CNNM2: variants seen among roughly 807,000 people sequenced by gnomAD.
CNNM2 encodes the protein metal transporter CNNM2.
In CNNM2, 12 loss-of-function variants were observed where a neutral mutation model predicts 66.9. That is an observed-to-expected ratio of 0.18 (90% CI 0.11 to 0.29). The LOEUF is 0.29. Ranked by LOEUF, CNNM2 falls within the 10% of genes least tolerant of loss-of-function variation. The pLI is 1.00. For missense variants in CNNM2, 705 were observed against 1,167.7 expected, an observed-to-expected ratio of 0.60 and a Z score of 5.77; for synonymous variants, 557 against 501.8, an observed-to-expected ratio of 1.11 and a Z score of -1.47.
chr10:103,003,695 C>T (rs12763791), intron 1 of CNNM2, among the ~76,000 whole-genome samples: 5 of 151,886 alleles, frequency 3.3e-5, no homozygotes, highest in African/African-American at 1.2e-4. Flanking sequence ...ATCACTTAAA[C>T]CCAGGATGCT....
chr10:103,068,468 G>GC, intron 4 of CNNM2, 161 bp from the exon 5 acceptor site: 1 of 656,118 alleles, frequency 1.5e-6, no homozygotes, highest in Non-Finnish European at 2.8e-6. Flanking sequence ...AAGCGAATGA[G>GC]CCCCCTCCTC....
At chr10:103,067,325 C>G (rs900109217) in intron 4 of CNNM2, among the ~76,000 whole-genome samples, 1 of 152,074 alleles carries the variant, frequency 6.6e-6, no homozygotes, top group African/African-American at 2.4e-5. Flanking sequence ...GCCTCGGTCT[C>G]CCAAAGTGCT....
chr10:102,968,572 C>A (rs1308733313), intron 1 of CNNM2, among the ~76,000 whole-genome samples: 1 of 151,560 alleles, frequency 6.6e-6, no homozygotes, highest in East Asian at 1.9e-4. Context: ...CAACACTTGG[C>A]ATGTGAGTTA....
chr10:103,014,689 T>C (rs1170650331), intron 1 of CNNM2, among the ~76,000 whole-genome samples: 1 of 152,208 alleles, frequency 6.6e-6, no homozygotes, highest in Admixed American at 6.5e-5. Context: ...TTTTGACTGA[T>C]GCTCAAGCGC....
chr10:103,058,672 T>C (rs1002083276), intron 4 of CNNM2, among the ~76,000 whole-genome samples: 4 of 152,334 alleles, frequency 2.6e-5, no homozygotes, highest in Admixed American at 6.5e-5. Flanking sequence ...TATATAAAGG[T>C]GACAAGTTTT....
At chr10:102,936,026 T>A (rs941569295) in intron 1 of CNNM2, among the ~76,000 whole-genome samples, 34 of 150,534 alleles carry the variant, frequency 2.3e-4, no homozygotes, top group African/African-American at 7.8e-4. Flanking sequence ...TTTGGTGCTG[T>A]GGGGGTAGGG....
rs936046079 is a variant in CNNM2 at position 103,085,084 on chromosome 10, T to C, written c.*7904T>C. On this transcript the variant is annotated 3_prime_UTR_variant, in exon 8 of 8. Coordinates refer to ENST00000369878, the MANE Select transcript of CNNM2 (RefSeq NM_017649.5). ...TCTCTGACTTTCTGCTGGCATGCCA[T>C]CTCCCCTAGTGGATTACTGAGGACT... is the stretch of plus-strand genomic sequence containing the variant. 2.6e-5 allele frequency: 4 copies of C among 152,166 alleles called. No homozygotes were observed. Among genetic ancestry groups the C allele is most frequent in the African/African-American group, 9.7e-5 (4 of 41,436 alleles). 9.4% of individuals were successfully genotyped at this position (152,166 alleles called of 1,614,324 possible).
At chr10:102,983,358 A>G (rs1387554201) in intron 1 of CNNM2, among the ~76,000 whole-genome samples, 1 of 147,438 alleles carries the variant, frequency 6.8e-6, no homozygotes, top group Non-Finnish European at 1.5e-5. Flanking sequence ...TTATATATAT[A>G]TTTATATATA....
At position 102,965,447 on chromosome 10, in the gene CNNM2, G is replaced by A. The variant is rs2063447886; in HGVS notation, c.1621+45346G>A. 2.6e-5 allele frequency among the ~76,000 whole-genome samples: 4 copies of A among 152,164 alleles called. No individual in the cohort carries two copies. The South Asian group carries it at 6.2e-4, about 24-fold the overall frequency. On this transcript the variant is annotated intron_variant, in intron 1 of 7. Transcript: ENST00000369878. ...GGAAATCAGTTTTTCCCCGGCTGTC[G>A]TTGTGCGCCTCCTTCCAGGGGAGTA... is the stretch of plus-strand genomic sequence containing the variant.
At chr10:102,946,156 G>A (rs1200273874) in intron 1 of CNNM2, among the ~76,000 whole-genome samples, 2 of 152,178 alleles carry the variant, frequency 1.3e-5, no homozygotes, top group Non-Finnish European at 2.9e-5. Flanking sequence ...TGAGTTCATT[G>A]GTGCTGCAGG....
At chr10:102,940,026 C>T (rs756578031) in intron 1 of CNNM2, among the ~76,000 whole-genome samples, 72 of 151,676 alleles carry the variant, frequency 4.7e-4, no homozygotes, top group Non-Finnish European at 7.7e-4. Flanking sequence ...ATGTAGGAGA[C>T]GGCCAAAGAG....
rs1331403201 is a variant in CNNM2, at chr10:103,079,222, A to C, written c.*2042A>C. ...CACTGAGCACAACACCAGTGTGATGAGTGTATAAAGATGAGGGGTCCTTGC... is the reference window on the plus strand; with the variant it reads ...CACTGAGCACAACACCAGTGTGATGCGTGTATAAAGATGAGGGGTCCTTGC... On this transcript the variant is annotated 3_prime_UTR_variant, in exon 8 of 8. Coordinates refer to ENST00000369878, the MANE Select transcript of CNNM2 (RefSeq NM_017649.5). 2.0e-5 allele frequency: 3 copies of C among 152,204 alleles called. No homozygotes were observed. The highest frequency in any genetic ancestry group is 7.2e-5 in the African/African-American group (3 of 41,438). 9.4% of individuals were successfully genotyped at this position (152,204 alleles called of 1,614,324 possible).
Position 103,079,997 on chromosome 10 carries a change from C to G in CNNM2, c.*2817C>G, listed in dbSNP as rs1590520674. On this transcript the variant is annotated 3_prime_UTR_variant, in exon 8 of 8. Transcript: ENST00000369878. Reference sequence around the variant, plus strand: ...TTTGGCTTGGAAGGCCTCTGCCATTCATCTCTACAAAGCCAGTGGGGTCCG... The same window carrying G: ...TTTGGCTTGGAAGGCCTCTGCCATTGATCTCTACAAAGCCAGTGGGGTCCG... The G allele has an allele frequency of 6.6e-6, 1 of 152,192 alleles. No individual in the cohort carries two copies. The highest frequency in any genetic ancestry group is 2.1e-4 in the South Asian group (1 of 4,824). 9.4% of individuals were successfully genotyped at this position (152,192 alleles called of 1,614,324 possible).
chr10:102,931,779 G>C (rs1426217729), intron 1 of CNNM2, among the ~76,000 whole-genome samples: 1 of 149,966 alleles, frequency 6.7e-6, no homozygotes, highest in South Asian at 2.1e-4. Context: ...TGCACCATTT[G>C]ACATTCCCAT....
In CNNM2 at chr10:103,023,096, C is replaced by G. The variant is rs11191518; in HGVS notation, c.1622-26611C>G. 0.41 allele frequency among the ~76,000 whole-genome samples: 61,995 copies of G among 151,892 alleles called. 12,875 individuals are homozygous for G. Among genetic ancestry groups the G allele is most frequent in the East Asian group, 0.56 (2,874 of 5,124 alleles). On this transcript the variant is annotated intron_variant, in intron 1 of 7. Coordinates refer to ENST00000369878, the MANE Select transcript of CNNM2 (RefSeq NM_017649.5). Reference sequence around the variant, plus strand: ...TTTTTGTATTTTTTAGTAGGGAGGGCGCTTCGCTATGTTGCCCAAACTGGT... The same window carrying G: ...TTTTTGTATTTTTTAGTAGGGAGGGGGCTTCGCTATGTTGCCCAAACTGGT...
At position 102,918,398 on chromosome 10, in the gene CNNM2, C is replaced by G; in HGVS notation, c.-83C>G. 1 of 1,537,788 alleles carries G rather than the reference C, an allele frequency of 6.5e-7. No individual in the cohort carries two copies. The highest frequency in any genetic ancestry group is 8.7e-7 in the Non-Finnish European group (1 of 1,149,536). On this transcript the variant is annotated 5_prime_UTR_variant, in exon 1 of 8. Transcript: ENST00000369878. This position sits in a 1 kb window ranked among gnomAD's most constrained non-coding sequence, Gnocchi z 4.1. ...TGCTGAGCACTGGCCGCGGACGCTC[C>G]GTTGCAGTCTCGCCCAGGGGCCGGT...
intron 1 of CNNM2, among the ~76,000 whole-genome samples, chr10:102,995,834 G>T (rs376705703): frequency 6.6e-6 from 1 of 151,830 alleles, no homozygotes; most frequent in Non-Finnish European, 1.5e-5. Flanking sequence ...CCGAGTAGCC[G>T]GGAGTACAGG....
rs1300249421 is a variant in CNNM2, at chr10:102,980,428, C to A, written c.1621+60327C>A. On this transcript the variant is annotated intron_variant, in intron 1 of 7. Transcript: ENST00000369878. ...TGGACTACAGGCGCATACCACTACACCTGGCTAATTTTTGTATCTTTTGTA... is the reference window on the plus strand; with the variant it reads ...TGGACTACAGGCGCATACCACTACAACTGGCTAATTTTTGTATCTTTTGTA... Among the ~76,000 whole-genome samples the A allele has an allele frequency of 3.3e-5, 5 of 151,650 alleles. No individual in the cohort carries two copies. In the East Asian group the frequency reaches 9.7e-4, roughly 29 times the overall value.
chr10:102,923,789 G>A (rs1845745582), intron 1 of CNNM2, among the ~76,000 whole-genome samples: 1 of 152,080 alleles, frequency 6.6e-6, no homozygotes, highest in Non-Finnish European at 1.5e-5. Context: ...GGAAAGTTTT[G>A]TACTAACAAT....
Sources: allele counts gnomAD v4.1 joint callset (sites outside exome capture counted in the v4.1 genomes callset), GRCh38; gene constraint gnomAD v4.1.1; non-coding constraint Gnocchi (gnomAD v3.1); transcripts MANE v1.5; gene names NCBI Gene and HGNC (gene_info 2026-07-23, HGNC 2026-07-21).